The following EDARADD variants were observed in gnomAD, a reference collection of about 807,000 sequenced individuals.
The protein encoded by EDARADD is EDAR associated via death domain, also known as ectodysplasin-A receptor-associated adapter protein.
A neutral mutation model predicts 25.6 loss-of-function variants in EDARADD; 20 were observed. The ratio of observed to expected loss-of-function variants is 0.78; its 90% confidence interval spans 0.55 to 1.14. The LOEUF (loss-of-function observed/expected upper bound fraction) is 1.14, where lower values mean the gene tolerates loss of function less well. Ranked by LOEUF, EDARADD falls within the 50% of genes most tolerant of loss-of-function variation. EDARADD has a pLI of 0.00. For synonymous variants in EDARADD, 86 were observed against 94.4 expected (o/e 0.91, Z 0.52); for missense variants, 225 against 270.1 (o/e 0.83, Z 1.17).
At chr1:236,382,549 C>T (rs937127954) in intron 3 of EDARADD, among the ~76,000 whole-genome samples, 6 of 152,184 alleles carry the variant, frequency 3.9e-5, no homozygotes, top group African/African-American at 1.4e-4. Context: ...TATGAATTCA[C>T]TTCATTGGAT....
intron 4 of EDARADD, among the ~76,000 whole-genome samples, chr1:236,445,234 C>CTTTTTTTTTTTTGTTT (rs61333307): frequency 1.1e-5 from 1 of 89,698 alleles, no homozygotes; most frequent in South Asian, 4.8e-4. Flanking sequence ...ATAATAAATT[C>CTTTTTTTTTTTTGTTT]TTTTTTTTTT....
intron 3 of EDARADD, among the ~76,000 whole-genome samples, chr1:236,367,350 C>A (rs899606315): frequency 7.9e-5 from 12 of 151,968 alleles, no homozygotes; most frequent in African/African-American, 2.9e-4. Context: ...CTGCCTCGGC[C>A]TCTCCAGTAG....
intron 4 of EDARADD, among the ~76,000 whole-genome samples, chr1:236,449,970 G>A (rs531406782): frequency 1.3e-5 from 2 of 152,182 alleles, no homozygotes; most frequent in South Asian, 4.2e-4. Context: ...GTGTAGTGGT[G>A]TGCGCCTGTA....
At chr1:236,434,409 T>A (rs895950626) in intron 4 of EDARADD, among the ~76,000 whole-genome samples, 115 of 152,130 alleles carry the variant, frequency 7.6e-4, no homozygotes, top group African/African-American at 2.7e-3. Context: ...AGCTAAACTT[T>A]TTGGATTTTT....
At chr1:236,379,953 C>A (rs907468881) in intron 3 of EDARADD, among the ~76,000 whole-genome samples, 2 of 152,062 alleles carry the variant, frequency 1.3e-5, no homozygotes, top group Non-Finnish European at 2.9e-5. Context: ...TTTAAGTAGG[C>A]GTTTCTGCCA....
At chr1:236,383,116 C>T (rs755561337) in intron 3 of EDARADD, among the ~76,000 whole-genome samples, 12 of 152,000 alleles carry the variant, frequency 7.9e-5, no homozygotes, top group South Asian at 4.1e-4. Flanking sequence ...CAAGGAAGGC[C>T]GGGCGCAGTG....
chr1:236,431,523 T>G (rs947935914), intron 4 of EDARADD, among the ~76,000 whole-genome samples: 1 of 152,230 alleles, frequency 6.6e-6, no homozygotes, highest in Admixed American at 6.5e-5. Flanking sequence ...CTATTCAACT[T>G]CTACAACTTA....
At chr1:236,392,907 C>T (rs796726699), upstream of EDARADD, among the ~76,000 whole-genome samples, 9 of 152,156 alleles carry the variant, frequency 5.9e-5, no homozygotes, top group South Asian at 6.2e-4. Flanking sequence ...TGACTTCAAG[C>T]GATCCACCCA....
intron 3 of EDARADD, among the ~76,000 whole-genome samples, chr1:236,425,480 C>T (rs1001122454): frequency 2.0e-5 from 3 of 152,174 alleles, no homozygotes; most frequent in Admixed American, 1.3e-4. Context: ...AAACCTCTGT[C>T]TGCAAAGGAC....
At chr1:236,454,191 G>A (rs1234602463) in intron 4 of EDARADD, among the ~76,000 whole-genome samples, 2 of 152,092 alleles carry the variant, frequency 1.3e-5, no homozygotes, top group African/African-American at 2.4e-5. Flanking sequence ...GACTACAGGC[G>A]TATGCTACCA....
intron 2 of EDARADD, among the ~76,000 whole-genome samples, chr1:236,411,305 C>G (rs1657472804): frequency 6.6e-6 from 1 of 152,174 alleles, no homozygotes; most frequent in Non-Finnish European, 1.5e-5. Context: ...AGGCTGGAAG[C>G]TTGAAATCAA....
At position 236,483,653 on chromosome 1, in the gene EDARADD, G is replaced by A. The variant is rs750918090; in HGVS notation, c.*1004G>A. ...GCAGTTCTCATGCTGTCACCAAGCT[G>A]GCCATGCAGGAGTTCATGGTCCTCC... On this transcript the variant is annotated 3_prime_UTR_variant, in exon 6 of 6. Coordinates refer to ENST00000334232, the MANE Select transcript of EDARADD (RefSeq NM_145861.4). The A allele has an allele frequency of 7.8e-5, 123 of 1,574,234 alleles. No homozygotes were observed. Among genetic ancestry groups the A allele is most frequent in the Non-Finnish European group, 1.0e-4 (117 of 1,145,764 alleles).
intron 3 of EDARADD, among the ~76,000 whole-genome samples, chr1:236,414,812 G>A (rs1433188546): frequency 6.6e-6 from 1 of 152,078 alleles, no homozygotes; most frequent in African/African-American, 2.4e-5. Flanking sequence ...GGCAGAGGTT[G>A]CAGTGAGCCA....
chr1:236,480,272 T>G (rs1481038369), intron 5 of EDARADD, among the ~76,000 whole-genome samples: 1 of 151,940 alleles, frequency 6.6e-6, no homozygotes, highest in East Asian at 1.9e-4. Context: ...GTTACTTAAA[T>G]AATATTCCAT....
chr1:236,397,479 C>G (rs890400382), intron 1 of EDARADD, among the ~76,000 whole-genome samples: 1 of 152,056 alleles, frequency 6.6e-6, no homozygotes, highest in African/African-American at 2.4e-5. Context: ...CCAGCCCAGC[C>G]AAAATGGATG....
At chr1:236,370,932 G>T (rs565735557) in intron 3 of EDARADD, among the ~76,000 whole-genome samples, 16 of 152,288 alleles carry the variant, frequency 1.1e-4, no homozygotes, top group African/African-American at 3.6e-4. Context: ...AGTTAGTTCA[G>T]CCTACACCCA....
At position 236,482,454 on chromosome 1, in the gene EDARADD, C is replaced by A. The variant is rs773579559; in HGVS notation, c.453C>A (p.Asp151Glu). ...NFASKWGMSY[D>E]ELCFLEQRPQ... The stretch of plus-strand genomic sequence containing the variant: ...CAAGCAAATGGGGGATGTCCTATGA[C>A]GAATTGTGCTTCCTGGAGCAGAGGC... The change falls in exon 6 of 6, where the codon GAC becomes GAA. Residue 151 changes from aspartate (D) to glutamate (E), a missense_variant. Coordinates refer to ENST00000334232, the MANE Select transcript of EDARADD (RefSeq NM_145861.4). 6.2e-7 allele frequency: 1 copy of A among 1,614,142 alleles called. No homozygotes were observed. Among genetic ancestry groups the A allele is most frequent in the Admixed American group, 1.7e-5 (1 of 60,018 alleles).
Position 236,405,874 on chromosome 1 carries a change from CTTCTTTCTTTCTTTCT to C in EDARADD, c.62-3305_62-3290del, listed in dbSNP as rs869205931. Reference sequence around the variant, plus strand: ...CCTTCCTTCCTTCCTTCCTTCCTTCCTTCTTTCTTTCTTTCTTTCTTTCTTTCTTTCTTTCTTTCTT... The same window carrying C: ...CCTTCCTTCCTTCCTTCCTTCCTTCCTTCTTTCTTTCTTTCTTTCTTTCTT... On this transcript the variant is annotated intron_variant, in intron 1 of 5. Transcript: ENST00000334232. Among the ~76,000 whole-genome samples, 6 of 30,864 alleles carry C rather than the reference CTTCTTTCTTTCTTTCT, an allele frequency of 1.9e-4. No individual in the cohort carries two copies. In the Admixed American group the frequency reaches 2.8e-3, roughly 15 times the overall value. The allele number at this position is 30,864 out of a possible 152,430, so 20.2% of individuals were successfully genotyped here. A position where few individuals can be genotyped will look rare whatever the true frequency, so the allele number is the denominator to read the frequency against.
chr1:236,349,181 A>AT (rs112630267), intron 2 of EDARADD, among the ~76,000 whole-genome samples: 52,407 of 145,922 alleles, frequency 0.36, 9,303 homozygotes, highest in East Asian at 0.51. Context: ...GTGTACTCAA[A>AT]ATTTTTTTTG....
Sources: gnomAD v4.1 joint callset for allele counts (sites outside exome capture counted in the v4.1 genomes callset) on GRCh38, gnomAD v4.1.1 for gene constraint, MANE v1.5 for transcripts, NCBI Gene and HGNC (gene_info 2026-07-23, HGNC 2026-07-21) for gene names.